MALRD1: variants seen among roughly 807,000 people sequenced by gnomAD.
MALRD1 encodes MAM and LDL receptor class A domain containing 1.
A neutral mutation model predicts 242.1 loss-of-function variants in MALRD1; 247 were observed. That is an observed-to-expected ratio of 1.02 (90% confidence interval 0.92 to 1.13). The LOEUF (loss-of-function observed/expected upper bound fraction) is 1.13. Ranked by LOEUF, MALRD1 falls within the 50% of genes most tolerant of loss-of-function variation. The probability of loss-of-function intolerance (pLI) is 0.00; values close to 1 mark genes in which losing one functional copy is unlikely to be tolerated. For synonymous variants in MALRD1, 995 were observed against 866.6 expected (o/e 1.15, Z -2.60); for missense variants, 2,989 against 2,533.1 (o/e 1.18, Z -3.86).
rs191449985 is a variant in MALRD1, at chr10:19,429,214, G to A, written c.4846-21093G>A. 1.4e-3 allele frequency among the ~76,000 whole-genome samples: 218 copies of A among 152,294 alleles called. 2 individuals are homozygous for A. The highest frequency in any genetic ancestry group is 5.1e-3 in the African/African-American group (213 of 41,564). Reference sequence around the variant, plus strand: ...GGAAAACAAAGCCAGAATAAATTGAGTGACTTGTCCAAAGTCACATACTAA... The same window carrying A: ...GGAAAACAAAGCCAGAATAAATTGAATGACTTGTCCAAAGTCACATACTAA... On this transcript the variant is annotated intron_variant, in intron 28 of 39. Transcript: ENST00000454679.
At chr10:19,601,377 A>T (rs1029275232) in intron 34 of MALRD1, among the ~76,000 whole-genome samples, 3 of 152,010 alleles carry the variant, frequency 2.0e-5, no homozygotes, top group African/African-American at 7.2e-5. Context: ...AATGGCTCAG[A>T]TTATTTTCCT....
At chr10:19,263,492 G>GTT (rs200921232) in intron 19 of MALRD1, among the ~76,000 whole-genome samples, 4 of 143,454 alleles carry the variant, frequency 2.8e-5, no homozygotes, top group African/African-American at 1.1e-4. Flanking sequence ...ATTATTTGTT[G>GTT]TTTTTTTTTG....
At chr10:19,097,755 G>T (rs1195279035) in intron 4 of MALRD1, among the ~76,000 whole-genome samples, 1 of 152,088 alleles carries the variant, frequency 6.6e-6, no homozygotes, top group African/African-American at 2.4e-5. Flanking sequence ...CCTGGACTTG[G>T]GAGTGTCCTG....
At chr10:19,589,351 A>C (rs1222295511) in intron 33 of MALRD1, among the ~76,000 whole-genome samples, 1 of 152,206 alleles carries the variant, frequency 6.6e-6, no homozygotes, top group African/African-American at 2.4e-5. Flanking sequence ...TACTGAAGGA[A>C]GCATATTTGG....
chr10:19,574,124 G>A (rs1473773398), intron 33 of MALRD1, among the ~76,000 whole-genome samples: 1 of 152,164 alleles, frequency 6.6e-6, no homozygotes, highest in African/African-American at 2.4e-5. Context: ...CTTCACTGCT[G>A]AAAAATAATA....
At chr10:19,395,628 A>G (rs887756311) in intron 28 of MALRD1, among the ~76,000 whole-genome samples, 3 of 152,176 alleles carry the variant, frequency 2.0e-5, no homozygotes, top group Non-Finnish European at 4.4e-5. Context: ...TGGGGCCCCA[A>G]GATTTATTTT....
chr10:19,671,979 AC>A (rs1564530753), intron 36 of MALRD1, among the ~76,000 whole-genome samples: 1 of 152,004 alleles, frequency 6.6e-6, no homozygotes, highest in Non-Finnish European at 1.5e-5. Context: ...GCCCTAACCA[AC>A]TAGAGTGTCC....
chr10:19,228,712 C>T (rs1472361243), intron 18 of MALRD1, among the ~76,000 whole-genome samples: 2 of 152,028 alleles, frequency 1.3e-5, no homozygotes, highest in African/African-American at 2.4e-5. Flanking sequence ...CTTAGGATGT[C>T]GTTACAGCTA....
intron 21 of MALRD1, among the ~76,000 whole-genome samples, chr10:19,319,303 G>A (rs897117568): frequency 1.1e-4 from 16 of 151,818 alleles, no homozygotes; most frequent in African/African-American, 1.5e-4. Context: ...TATTATTTTC[G>A]AATGCTGTGA....
chr10:19,139,201 A>T (rs764336305), intron 10 of MALRD1, among the ~76,000 whole-genome samples: 2 of 152,248 alleles, frequency 1.3e-5, no homozygotes, highest in African/African-American at 2.4e-5. Flanking sequence ...TAGAATTGAT[A>T]TAAATTTACA....
intron 18 of MALRD1, among the ~76,000 whole-genome samples, chr10:19,210,751 G>A (rs1449922897): frequency 2.0e-5 from 3 of 152,144 alleles, no homozygotes; most frequent in Non-Finnish European, 2.9e-5. Flanking sequence ...CATTGGAATG[G>A]GAGATTTGTC....
intron 32 of MALRD1, among the ~76,000 whole-genome samples, chr10:19,554,368 CTCTT>C (rs1402823760): frequency 6.6e-6 from 1 of 151,878 alleles, no homozygotes; most frequent in Non-Finnish European, 1.5e-5. Flanking sequence ...GCCAAGCTTG[CTCTT>C]TCTTTTTATA....
intron 29 of MALRD1, among the ~76,000 whole-genome samples, chr10:19,483,029 C>T (rs1303171290): frequency 6.6e-6 from 1 of 152,042 alleles, no homozygotes; most frequent in Non-Finnish European, 1.5e-5. Flanking sequence ...CATCACATTA[C>T]ATGACTTCAA....
At chr10:19,401,976 T>C (rs1003616958) in intron 28 of MALRD1, among the ~76,000 whole-genome samples, 1 of 152,210 alleles carries the variant, frequency 6.6e-6, no homozygotes, top group African/African-American at 2.4e-5. Context: ...TAATTAAATA[T>C]TGAAGAATGA....
chr10:19,254,243 A>G (rs1368126567), intron 18 of MALRD1, among the ~76,000 whole-genome samples: 1 of 151,960 alleles, frequency 6.6e-6, no homozygotes, highest in Non-Finnish European at 1.5e-5. Flanking sequence ...GGCTTCTTTC[A>G]CTTTAATGCT....
At chr10:19,171,921 CAT>C (rs1325839368) in intron 13 of MALRD1, among the ~76,000 whole-genome samples, 3 of 118,686 alleles carry the variant, frequency 2.5e-5, no homozygotes, top group Admixed American at 8.6e-5. Context: ...ATGATATATA[CAT>C]ATATGTGATA....
intron 9 of MALRD1, 142 bp from the exon 10 acceptor site, chr10:19,136,432 C>T: frequency 2.4e-6 from 1 of 412,846 alleles, no homozygotes; most frequent in East Asian, 3.7e-5. Context: ...TTGAGGTTAT[C>T]AAACAGGAAC....
intron 2 of MALRD1, among the ~76,000 whole-genome samples, chr10:19,073,812 G>T (rs191655389): frequency 6.6e-6 from 1 of 152,084 alleles, no homozygotes; most frequent in African/African-American, 2.4e-5. Flanking sequence ...CACATGTTTG[G>T]GAATAAAACA....
intron 19 of MALRD1, among the ~76,000 whole-genome samples, chr10:19,279,808 A>G (rs1264584834): frequency 6.6e-6 from 1 of 152,216 alleles, no homozygotes; most frequent in African/African-American, 2.4e-5. Context: ...TGAGCTCTGA[A>G]TAGCTTTCCA....
Sources: gnomAD v4.1 joint callset for allele counts (sites outside exome capture counted in the v4.1 genomes callset) on GRCh38, gnomAD v4.1.1 for gene constraint, MANE v1.5 for transcripts, NCBI Gene and HGNC (gene_info 2026-07-23, HGNC 2026-07-21) for gene names.